Variants in NHSL1 observed in about 807,000 individuals in gnomAD.
NHSL1 encodes NHS-like protein 1.
A neutral mutation model predicts 95.0 loss-of-function variants in NHSL1; 48 were observed. The ratio of observed to expected loss-of-function variants is 0.51; its 90% CI spans 0.40 to 0.64. NHSL1 has a LOEUF of 0.64. Among genes scored for constraint, NHSL1 ranks in the 30% least tolerant of loss-of-function variants. The pLI is 0.00. For missense variants in NHSL1, 1,971 were observed against 2,077.7 expected (o/e 0.95, Z 1.00); for synonymous variants, 783 against 833.9 (o/e 0.94, Z 1.05).
chr6:138,629,406 G>C (rs1784786946), intron 1 of NHSL1, among the ~76,000 whole-genome samples: 1 of 151,080 alleles, frequency 6.6e-6, no homozygotes, highest in Non-Finnish European at 1.5e-5. Context: ...TTTTGAGACG[G>C]AGTCTCGCTC....
At chr6:138,592,070 C>T (rs1449988344) in intron 1 of NHSL1, among the ~76,000 whole-genome samples, 1 of 152,102 alleles carries the variant, frequency 6.6e-6, no homozygotes, top group Non-Finnish European at 1.5e-5. Context: ...ACAATAAATG[C>T]ATTCTCATAG....
chr6:138,589,576 G>A (rs1036061048), intron 1 of NHSL1, among the ~76,000 whole-genome samples: 3 of 152,112 alleles, frequency 2.0e-5, no homozygotes, highest in Non-Finnish European at 2.9e-5. Flanking sequence ...CAGTAGGGTC[G>A]CCTGTGACAG....
chr6:138,424,863 C>A lies in NHSL1; in HGVS notation c.4086-47G>T, dbSNP rs1266526610. The stretch of plus-strand genomic sequence containing the variant: ...AAAAAGGTTAATTCCCACGGGACCA[C>A]AGGCTGTCAGCCACAACCACTCTGC... On this transcript the variant is annotated intron_variant, in intron 7 of 7. Coordinates refer to ENST00000343505, the MANE Select transcript of NHSL1 (RefSeq NM_001144060.2). This position sits in a 1 kb window ranked among gnomAD's most constrained non-coding sequence, Gnocchi z 5.9. 1.6e-5 allele frequency: 24 copies of A among 1,471,232 alleles called. No homozygotes were observed. Among genetic ancestry groups the A allele is most frequent in the Non-Finnish European group, 2.2e-5 (24 of 1,089,832 alleles). The allele number at this position is 1,471,232 out of a possible 1,614,324, so 91.1% of individuals were successfully genotyped here.
At chr6:138,517,005 T>C (rs575671460) in intron 1 of NHSL1, among the ~76,000 whole-genome samples, 1 of 152,310 alleles carries the variant, frequency 6.6e-6, no homozygotes, top group Admixed American at 6.5e-5. Context: ...AAAACTAAAT[T>C]TTAAAAATAG....
intron 1 of NHSL1, among the ~76,000 whole-genome samples, chr6:138,506,193 T>G (rs1780956433): frequency 6.6e-6 from 1 of 152,146 alleles, no homozygotes; most frequent in Non-Finnish European, 1.5e-5. Context: ...TACCAATAGA[T>G]AAAGATAATT....
At chr6:138,562,279 C>T (rs1783439310) in intron 1 of NHSL1, among the ~76,000 whole-genome samples, 1 of 152,124 alleles carries the variant, frequency 6.6e-6, no homozygotes. Context: ...TATAACTATA[C>T]ATTGGAAAAA....
chr6:138,431,910 G>C lies in NHSL1; in HGVS notation c.2435C>G (p.Pro812Arg), dbSNP rs1349962074. The C allele has an allele frequency of 2.2e-5, 34 of 1,551,590 alleles. No homozygotes were observed. The highest frequency in any genetic ancestry group is 2.8e-5 in the Non-Finnish European group (32 of 1,146,998). Residue 812 changes from proline to arginine, a missense_variant, in exon 6 of 8, where the codon CCA becomes CGA. Pro to Arg is a moderately radical substitution (Grantham distance 103, BLOSUM62 -2). Around this residue, in one of 3 missense-constraint regions of NHSL1, gnomAD observed 1,602 missense variants for 1,654.5 expected, o/e 0.97. Transcript: ENST00000343505. This position sits in a 1 kb window ranked among gnomAD's most constrained non-coding sequence, Gnocchi z 4.0. ...GGACCCTTCTTGGACATGGCGGACT[G>C]GCCCGTTCCCAGTGGGCACCCCACT... is the stretch of plus-strand genomic sequence containing the variant. ...TSSGVPTGNG[P>R]VRHVQEGSRA...
rs573569106 is a variant in NHSL1 at position 138,489,687 on chromosome 6, G to A, written c.211+6532C>T. ...TGAGGTGGGAGGATGGATTGGGCCC[G>A]GGAAGTCAAGGCTGCAGTGAGCCGT... On this transcript the variant is annotated intron_variant, in intron 2 of 7. Coordinates refer to ENST00000343505, the MANE Select transcript of NHSL1 (RefSeq NM_001144060.2). Among the ~76,000 whole-genome samples, 10 of 149,998 alleles carry A rather than the reference G, an allele frequency of 6.7e-5. No homozygotes were observed. The South Asian group carries it at 1.1e-3, about 16-fold the overall frequency.
chr6:138,425,173 C>T (rs1289402707), intron 7 of NHSL1, among the ~76,000 whole-genome samples: 2 of 152,194 alleles, frequency 1.3e-5, no homozygotes, highest in Non-Finnish European at 1.5e-5. Context: ...TCATTGCAAC[C>T]TCTGCCTCCC....
intron 3 of NHSL1, among the ~76,000 whole-genome samples, chr6:138,452,900 G>T (rs201233601): frequency 1.3e-5 from 2 of 151,968 alleles, no homozygotes; most frequent in East Asian, 3.8e-4. Flanking sequence ...CACAGTTCAT[G>T]GTTCATCCAG....
At chr6:138,458,696 T>G (rs1443369710) in intron 3 of NHSL1, among the ~76,000 whole-genome samples, 1 of 151,862 alleles carries the variant, frequency 6.6e-6, no homozygotes, top group Non-Finnish European at 1.5e-5. Context: ...TGTGGTGGCA[T>G]GTGCCTGTAG....
At chr6:138,605,590 T>C (rs1784422434) in intron 1 of NHSL1, among the ~76,000 whole-genome samples, 1 of 152,186 alleles carries the variant, frequency 6.6e-6, no homozygotes, top group African/African-American at 2.4e-5. Flanking sequence ...GCTTCACTCA[T>C]ATTGTGTCTA....
chr6:138,625,833 AG>A (rs1216222917), intron 1 of NHSL1, among the ~76,000 whole-genome samples: 6 of 152,084 alleles, frequency 3.9e-5, no homozygotes, highest in African/African-American at 1.4e-4. Context: ...CTGTAGAGAT[AG>A]GGTCTCACCT....
chr6:138,515,524 G>A (rs1192338262), intron 1 of NHSL1, among the ~76,000 whole-genome samples: 1 of 152,204 alleles, frequency 6.6e-6, no homozygotes, highest in Non-Finnish European at 1.5e-5. Flanking sequence ...CCATAATTGT[G>A]CTCATTTGTC....
chr6:138,455,552 G>GAGCCCCGCCTTCGCATGCTCCCTGCAAGA (rs1562288043), intron 3 of NHSL1, among the ~76,000 whole-genome samples: 2 of 83,810 alleles, frequency 2.4e-5, no homozygotes, highest in African/African-American at 8.6e-5. Flanking sequence ...TCCCTGCAAG[G>GAGCCCCGCCTTCGCATGCTCCCTGCAAGA]AGCCCCGCCT....
At chr6:138,679,712 T>C (rs1035910267) in intron 1 of NHSL1, among the ~76,000 whole-genome samples, 6 of 152,154 alleles carry the variant, frequency 3.9e-5, no homozygotes, top group African/African-American at 1.4e-4. Context: ...AGGGCTTTAC[T>C]TGGGATCCAA....
chr6:138,423,901 G>A lies in NHSL1; in HGVS notation c.*180C>T, dbSNP rs1270211764. 1 of 451,994 alleles carries A rather than the reference G, an allele frequency of 2.2e-6. No homozygotes were observed. The highest frequency in any genetic ancestry group is 3.6e-6 in the Non-Finnish European group (1 of 278,666). The allele number at this position is 451,994 out of a possible 1,614,324, so 28.0% of individuals were successfully genotyped here. ...TACTTGTTCTTAAGCCACAGGGCAA[G>A]TGCCAGGTGAGTCCTAAATAACCGT... On this transcript the variant is annotated 3_prime_UTR_variant, in exon 8 of 8. Transcript: ENST00000343505.
chr6:138,680,325 C>T (rs1280337908), intron 1 of NHSL1, among the ~76,000 whole-genome samples: 1 of 152,190 alleles, frequency 6.6e-6, no homozygotes, highest in African/African-American at 2.4e-5. Context: ...TGTCGCAGCA[C>T]CACCTAGTAC....
intron 1 of NHSL1, among the ~76,000 whole-genome samples, chr6:138,602,147 G>C (rs1273266252): frequency 1.3e-5 from 2 of 152,140 alleles, no homozygotes; most frequent in East Asian, 1.9e-4. Context: ...CAAATTTATA[G>C]AATAATTTGC....
Sources: gnomAD v4.1 joint callset for allele counts (sites outside exome capture counted in the v4.1 genomes callset) on GRCh38, gnomAD v4.1.1 for gene constraint, gnomAD v4.1.1 regional missense constraint, Gnocchi (gnomAD v3.1) non-coding constraint, MANE v1.5 for transcripts, NCBI Gene and HGNC (gene_info 2026-07-23, HGNC 2026-07-21) for gene names.